The following PRIMA1 variants were observed in gnomAD, a reference collection of about 807,000 sequenced individuals.
PRIMA1 encodes proline-rich membrane anchor 1.
Under a neutral mutation model 17.5 loss-of-function variants are expected in PRIMA1, and 7 were observed. That is an observed-to-expected ratio of 0.40 (90% confidence interval 0.23 to 0.75). PRIMA1 has a LOEUF of 0.75. Among genes scored for constraint, PRIMA1 ranks in the 30% least tolerant of loss-of-function variants. The pLI is 0.37. For synonymous variants in PRIMA1, 97 were observed against 77.9 expected (o/e 1.25, Z -1.29); for missense variants, 200 against 201.8 (o/e 0.99, Z 0.05).
At chr14:93,729,387 G>A (rs929357455) in intron 4 of PRIMA1, among the ~76,000 whole-genome samples, 2 of 152,196 alleles carry the variant, frequency 1.3e-5, no homozygotes, top group African/African-American at 4.8e-5. Context: ...TGAACAGCAG[G>A]GAGAGGTGAC....
intron 3 of PRIMA1, among the ~76,000 whole-genome samples, chr14:93,738,517 A>C (rs1348096316): frequency 6.6e-6 from 1 of 152,218 alleles, no homozygotes; most frequent in Non-Finnish European, 1.5e-5. Flanking sequence ...CAGGTCTCCA[A>C]GACGTGAATA....
At chr14:93,750,900 T>C (rs1168588636) in intron 3 of PRIMA1, among the ~76,000 whole-genome samples, 5 of 152,152 alleles carry the variant, frequency 3.3e-5, no homozygotes, top group African/African-American at 1.2e-4. Context: ...GGAGTTTTCA[T>C]GGTGACAATG....
chr14:93,785,868 A>G (rs1486974834), intron 2 of PRIMA1, among the ~76,000 whole-genome samples: 1 of 151,694 alleles, frequency 6.6e-6, no homozygotes, highest in Non-Finnish European at 1.5e-5. Flanking sequence ...ACCCGCACAC[A>G]CACACACCCC....
chr14:93,736,702 C>T (rs917302930), intron 4 of PRIMA1, among the ~76,000 whole-genome samples: 2 of 152,216 alleles, frequency 1.3e-5, no homozygotes, highest in African/African-American at 4.8e-5. Context: ...TTACTTTCTG[C>T]TTTTGAATTA....
intron 3 of PRIMA1, among the ~76,000 whole-genome samples, chr14:93,753,338 T>C (rs929956076): frequency 6.6e-6 from 1 of 152,202 alleles, no homozygotes; most frequent in African/African-American, 2.4e-5. Flanking sequence ...TTCCAAGGCA[T>C]CCATAATTCT....
At chr14:93,755,545 C>T (rs953720817) in intron 3 of PRIMA1, among the ~76,000 whole-genome samples, 1 of 152,178 alleles carries the variant, frequency 6.6e-6, no homozygotes, top group Non-Finnish European at 1.5e-5. Flanking sequence ...TGGTTCATCT[C>T]ACTTAGTGTG....
intron 3 of PRIMA1, among the ~76,000 whole-genome samples, chr14:93,764,158 A>G (rs1269984211): frequency 1.3e-5 from 2 of 151,822 alleles, no homozygotes; most frequent in African/African-American, 4.8e-5. Context: ...GACTAAGTCC[A>G]GAATCTGCAG....
At chr14:93,723,769 G>T (rs1448619205) in intron 4 of PRIMA1, among the ~76,000 whole-genome samples, 1 of 152,158 alleles carries the variant, frequency 6.6e-6, no homozygotes, top group Admixed American at 6.5e-5. Context: ...TTCATTTCAT[G>T]GGGAAACTGA....
In PRIMA1 at chr14:93,726,455, C is replaced by A. The variant is rs998732571; in HGVS notation, c.360-4909G>T. The stretch of plus-strand genomic sequence containing the variant: ...CTCACCTCTTATGAAGGTATTCATC[C>A]CCCGACTGCCCACCCCGACACCCTC... On this transcript the variant is annotated intron_variant, in intron 4 of 4. Coordinates refer to ENST00000393140, the MANE Select transcript of PRIMA1 (RefSeq NM_178013.4). This position sits in a 1 kb window ranked among gnomAD's most constrained non-coding sequence, Gnocchi z 4.2. 6.6e-6 allele frequency among the ~76,000 whole-genome samples: 1 copy of A among 152,064 alleles called. No homozygotes were observed. Among genetic ancestry groups the A allele is most frequent in the Non-Finnish European group, 1.5e-5 (1 of 68,004 alleles).
At chr14:93,735,731 G>A (rs1389113948) in intron 4 of PRIMA1, among the ~76,000 whole-genome samples, 57 of 141,412 alleles carry the variant, frequency 4.0e-4, no homozygotes, top group East Asian at 2.0e-4. Flanking sequence ...TCGCTCTGTC[G>A]CCCAGTCTGG....
chr14:93,733,823 T>G (rs1171812429), intron 4 of PRIMA1, among the ~76,000 whole-genome samples: 1 of 152,236 alleles, frequency 6.6e-6, no homozygotes, highest in East Asian at 1.9e-4. Flanking sequence ...TCCACTTCGC[T>G]GGAGAGAAAT....
At chr14:93,731,103 C>A (rs561651355) in intron 4 of PRIMA1, among the ~76,000 whole-genome samples, 3 of 148,728 alleles carry the variant, frequency 2.0e-5, no homozygotes, top group African/African-American at 7.4e-5. Flanking sequence ...CAGCATAGTA[C>A]GCTATGTGGC....
chr14:93,721,469 A>G lies in PRIMA1; in HGVS notation c.437T>C (p.Val146Ala). The change falls in exon 5 of 5, where the codon GTA becomes GCA. Residue 146 changes from valine to alanine, a missense_variant. Transcript: ENST00000393140. ...PMSASQSNKG[V>A]DVNNAVV ...TCACACCACTGCGTTGTTCACGTCT[A>G]CTCCTTTGTTGCTCTGCGAAGCACT... 1 of 1,612,164 alleles carries G rather than the reference A, an allele frequency of 6.2e-7. No homozygotes were observed. The highest frequency in any genetic ancestry group is 1.1e-5 in the South Asian group (1 of 91,028).
intron 3 of PRIMA1, among the ~76,000 whole-genome samples, chr14:93,747,577 T>A: frequency 6.6e-6 from 1 of 150,528 alleles, no homozygotes; most frequent in Non-Finnish European, 1.5e-5. Flanking sequence ...GGGGAGTGTG[T>A]GAGTGCATGG....
At chr14:93,750,808 A>C (rs1221056916) in intron 3 of PRIMA1, among the ~76,000 whole-genome samples, 1 of 152,180 alleles carries the variant, frequency 6.6e-6, no homozygotes, top group Non-Finnish European at 1.5e-5. Flanking sequence ...TATTATTTTT[A>C]GAAAGGCCCT....
At chr14:93,738,367 C>A (rs983282918) in intron 3 of PRIMA1, among the ~76,000 whole-genome samples, 1 of 151,764 alleles carries the variant, frequency 6.6e-6, no homozygotes, top group Non-Finnish European at 1.5e-5. Context: ...AAAGGAGTGC[C>A]CAGAATTGCA....
At chr14:93,767,197 A>G (rs1884915722) in intron 3 of PRIMA1, among the ~76,000 whole-genome samples, 1 of 152,122 alleles carries the variant, frequency 6.6e-6, no homozygotes, top group Admixed American at 6.5e-5. Flanking sequence ...CAACAGCTAC[A>G]TTTATTAAGA....
intron 2 of PRIMA1, among the ~76,000 whole-genome samples, chr14:93,782,111 C>A (rs2141196221): frequency 1.3e-5 from 2 of 152,166 alleles, no homozygotes; most frequent in East Asian, 3.9e-4. Context: ...ACTAAAAATA[C>A]AGAAAAATTA....
Position 93,779,297 on chromosome 14 carries a change from C to T in PRIMA1, c.108G>A (p.Glu36=). 6.4e-7 allele frequency: 1 copy of T among 1,554,762 alleles called. No individual in the cohort carries two copies. Among genetic ancestry groups the T allele is most frequent in the Non-Finnish European group, 8.7e-7 (1 of 1,155,438 alleles). The change falls in exon 3 of 5, where the codon GAG becomes GAA. Residue 36 remains glutamate, a synonymous_variant. Transcript: ENST00000393140. ...LWGFVQVTHG[E]PQKSCSKVTD... is the part of the protein sequence containing the mutation. The stretch of plus-strand genomic sequence containing the variant: ...TCACTTTGGAGCAGGACTTCTGGGG[C>T]TCACCATGCGTCACCTGTACACATG...
Sources: gnomAD v4.1 joint callset for allele counts (sites outside exome capture counted in the v4.1 genomes callset) on GRCh38, gnomAD v4.1.1 for gene constraint, Gnocchi (gnomAD v3.1) non-coding constraint, MANE v1.5 for transcripts, NCBI Gene and HGNC (gene_info 2026-07-23, HGNC 2026-07-21) for gene names.